The following DGLUCY variants were observed in gnomAD, a reference collection of about 807,000 sequenced individuals.
DGLUCY encodes the protein D-glutamate cyclase, mitochondrial.
DGLUCY carries 58 observed loss-of-function variants against 58.5 expected under a neutral mutation model. The observed-to-expected ratio is 0.99, with a 90% CI of 0.80 to 1.23. The LOEUF is 1.23. DGLUCY is among the 50% of genes most tolerant of loss of function. The probability of loss-of-function intolerance (pLI) is 0.00; values close to 1 mark genes in which losing one functional copy is unlikely to be tolerated. For synonymous variants in DGLUCY, 325 were observed against 314.1 expected (o/e 1.03, Z -0.37); for missense variants, 779 against 784.7 (o/e 0.99, Z 0.09).
At chr14:91,130,043 T>C (rs780114980) in intron 1 of DGLUCY, among the ~76,000 whole-genome samples, 6 of 152,192 alleles carry the variant, frequency 3.9e-5, no homozygotes, top group Non-Finnish European at 7.3e-5. Flanking sequence ...TTTTCCCACA[T>C]TGCATGTACT....
chr14:91,201,499 A>G (rs1007122649), intron 11 of DGLUCY, among the ~76,000 whole-genome samples: 1 of 151,920 alleles, frequency 6.6e-6, no homozygotes, highest in Non-Finnish European at 1.5e-5. Flanking sequence ...GGGTTTCACT[A>G]TGTTGGCCAG....
At chr14:91,210,443 G>A (rs1286240108) in intron 12 of DGLUCY, among the ~76,000 whole-genome samples, 1 of 152,086 alleles carries the variant, frequency 6.6e-6, no homozygotes, top group Non-Finnish European at 1.5e-5. Flanking sequence ...GAGGCAGGAG[G>A]ATTGCTTGAG....
exon 1 of DGLUCY, chr14:91,060,560 G>T: frequency 8.7e-7 from 1 of 1,144,920 alleles, no homozygotes; most frequent in Non-Finnish European, 1.1e-6. Flanking sequence ...GAACTCGGAC[G>T]CAAAGACGAG....
chr14:91,132,049 T>C (rs2046053450), intron 1 of DGLUCY, among the ~76,000 whole-genome samples: 1 of 152,218 alleles, frequency 6.6e-6, no homozygotes, highest in Non-Finnish European at 1.5e-5. Context: ...CACCTTGGCC[T>C]CCCAAAGTGT....
rs185178970 is a variant in DGLUCY at position 91,179,763 on chromosome 14, A to T, written c.731-1423A>T. On this transcript the variant is annotated intron_variant, in intron 7 of 13. Transcript: ENST00000256324. ...AAGGTTCCGTCTCCAAAAAAAAAAAAATATATGCTTGTTCAATTAAGCAAA... is the reference window on the plus strand; with the variant it reads ...AAGGTTCCGTCTCCAAAAAAAAAAATATATATGCTTGTTCAATTAAGCAAA... 1.0e-3 allele frequency among the ~76,000 whole-genome samples: 152 copies of T among 152,102 alleles called. 1 individual carries two copies. Among genetic ancestry groups the T allele is most frequent in the Middle Eastern group, 6.8e-3 (2 of 294 alleles).
intron 8 of DGLUCY, among the ~76,000 whole-genome samples, chr14:91,184,614 T>TGGAAGGAA (rs1225312394): frequency 1.4e-5 from 1 of 71,504 alleles, no homozygotes; most frequent in East Asian, 5.1e-4. Context: ...AGTCTGATTC[T>TGGAAGGAA]GGAAGGAAGG....
chr14:91,178,354 G>T (rs961483298), intron 7 of DGLUCY, among the ~76,000 whole-genome samples: 1 of 151,914 alleles, frequency 6.6e-6, no homozygotes, highest in Admixed American at 6.6e-5. Flanking sequence ...TGTGGAGATG[G>T]GGTCTCACTA....
intron 1 of DGLUCY, among the ~76,000 whole-genome samples, chr14:91,131,853 A>G (rs1472627918): frequency 1.3e-5 from 2 of 152,008 alleles, no homozygotes; most frequent in Admixed American, 6.6e-5. Flanking sequence ...CTGGAGTGCA[A>G]TGGCACAATC....
intron 1 of DGLUCY, among the ~76,000 whole-genome samples, chr14:91,136,237 T>G (rs1202826331): frequency 6.6e-6 from 1 of 151,602 alleles, no homozygotes; most frequent in Non-Finnish European, 1.5e-5. Context: ...CCGGCCACAT[T>G]AGCATTTTTT....
chr14:91,150,959 C>T (rs948984245), intron 1 of DGLUCY, among the ~76,000 whole-genome samples: 5 of 152,304 alleles, frequency 3.3e-5, no homozygotes, highest in Admixed American at 3.3e-4. Context: ...GGTAACTCCC[C>T]ATTCCCCACC....
chr14:91,171,468 A>T (rs2048570563), intron 5 of DGLUCY, among the ~76,000 whole-genome samples: 1 of 152,202 alleles, frequency 6.6e-6, no homozygotes, highest in Non-Finnish European at 1.5e-5. Context: ...AGATGGCCAG[A>T]CAGCCATCTG....
chr14:91,167,148 AAAAAAG>A, intron 3 of DGLUCY, 71 bp from the exon 4 acceptor site: 1 of 1,499,112 alleles, frequency 6.7e-7, no homozygotes. Context: ...TCAAAAAAAA[AAAAAAG>A]AAAGAAAATC....
chr14:91,082,673 C>A (rs1191706562), intron 1 of DGLUCY, among the ~76,000 whole-genome samples: 1 of 152,172 alleles, frequency 6.6e-6, no homozygotes, highest in Non-Finnish European at 1.5e-5. Context: ...GAAGGATCCT[C>A]ATGAAGTTCC....
chr14:91,094,535 T>G (rs1025543658), intron 1 of DGLUCY, among the ~76,000 whole-genome samples: 1 of 148,272 alleles, frequency 6.7e-6, no homozygotes, highest in Non-Finnish European at 1.5e-5. Flanking sequence ...TGGGTGGGAG[T>G]GCTTCAGAAT....
chr14:91,067,869 C>A (rs1344924063), intron 1 of DGLUCY, among the ~76,000 whole-genome samples: 5 of 152,160 alleles, frequency 3.3e-5, no homozygotes, highest in African/African-American at 1.2e-4. Flanking sequence ...TATCTTAATA[C>A]TATTTTTGAC....
intron 1 of DGLUCY, among the ~76,000 whole-genome samples, chr14:91,156,703 AAGAG>A (rs2140325370): frequency 6.6e-6 from 1 of 152,320 alleles, no homozygotes; most frequent in Admixed American, 6.5e-5. Context: ...CTAAAGAGAA[AAGAG>A]AGAGCTCAGA....
chr14:91,103,387 T>C (rs1046798494), upstream of DGLUCY, among the ~76,000 whole-genome samples: 2 of 152,162 alleles, frequency 1.3e-5, no homozygotes, highest in Admixed American at 6.6e-5. Flanking sequence ...ATAAGAATTC[T>C]GTGCCTTTTC....
At position 91,199,851 on chromosome 14, in the gene DGLUCY, C is replaced by G; in HGVS notation, c.1390C>G (p.Pro464Ala). 1 of 1,614,086 alleles carries G rather than the reference C, an allele frequency of 6.2e-7. No homozygotes were observed. The highest frequency in any genetic ancestry group is 2.2e-5 in the East Asian group (1 of 44,880). ...RKMNIKHLVD[P>A]IDDLFLAAKK... is the part of the protein sequence containing the mutation. ...GATGAACATCAAGCACTTGGTTGAC[C>G]CCATTGACGATCTTTTTCTTGCTGC... is the stretch of plus-strand genomic sequence containing the variant. Residue 464 changes from proline (P) to alanine (A), a missense_variant, in exon 11 of 14, where the codon CCC becomes GCC. Transcript: ENST00000256324.
intron 1 of DGLUCY, among the ~76,000 whole-genome samples, chr14:91,155,974 T>C (rs2047595900): frequency 6.6e-6 from 1 of 152,120 alleles, no homozygotes; most frequent in Non-Finnish European, 1.5e-5. Context: ...GATACCAAGC[T>C]CTTCTCCATC....
Sources: gnomAD v4.1 joint callset for allele counts (sites outside exome capture counted in the v4.1 genomes callset) on GRCh38, gnomAD v4.1.1 for gene constraint, MANE v1.5 for transcripts, NCBI Gene and HGNC (gene_info 2026-07-23, HGNC 2026-07-21) for gene names.